Variants in ANKRD45 observed in about 807,000 individuals in gnomAD.
The protein encoded by ANKRD45 is ankyrin repeat domain 45.
A neutral mutation model predicts 28.1 loss-of-function variants in ANKRD45; 21 were observed. That is an observed-to-expected ratio of 0.75 (90% confidence interval 0.53 to 1.08). ANKRD45 has a LOEUF of 1.08. Ranked by LOEUF, ANKRD45 falls within the 50% of genes least tolerant of loss-of-function variation. The pLI, the probability that ANKRD45 is intolerant of heterozygous loss-of-function variation, is 0.00. For synonymous variants in ANKRD45, 86 were observed against 103.9 expected (o/e 0.83, Z 1.05); for missense variants, 261 against 308.7 (o/e 0.85, Z 1.16).
At chr1:173,611,576 TACACACACACACACACACACACACAC>T (rs57884253) in intron 5 of ANKRD45, among the ~76,000 whole-genome samples, 1 of 133,910 alleles carries the variant, frequency 7.5e-6, no homozygotes, top group Non-Finnish European at 1.7e-5. Context: ...AATACATACA[TACACACACACACACACACACACACAC>T]ACACACACAC....
intron 2 of ANKRD45, among the ~76,000 whole-genome samples, chr1:173,655,793 C>T (rs1023975341): frequency 1.3e-5 from 2 of 152,246 alleles, no homozygotes; most frequent in Non-Finnish European, 2.9e-5. Flanking sequence ...TGTTTACCTA[C>T]TCAAGCCTCA....
the ANKRD45 span, among the ~76,000 whole-genome samples, chr1:173,689,558 G>A: frequency 6.6e-6 from 1 of 152,060 alleles, no homozygotes; most frequent in Non-Finnish European, 1.5e-5. Context: ...TGACAAATTG[G>A]AGTTTCAACA....
At chr1:173,636,858 G>A (rs937758840) in intron 3 of ANKRD45, 6 of 1,535,496 alleles carry the variant, frequency 3.9e-6, no homozygotes, top group Admixed American at 2.0e-5. Flanking sequence ...GAAAAACCTG[G>A]TAATGATCTA....
chr1:173,698,651 C>G, the ANKRD45 span, among the ~76,000 whole-genome samples: 1 of 152,144 alleles, frequency 6.6e-6, no homozygotes, highest in South Asian at 2.1e-4. Context: ...ACCAGAATCT[C>G]CAGGACACAT....
At chr1:173,632,851 C>A (rs544827391) in intron 3 of ANKRD45, among the ~76,000 whole-genome samples, 1 of 152,154 alleles carries the variant, frequency 6.6e-6, no homozygotes, top group South Asian at 2.1e-4. Flanking sequence ...GAACATACAT[C>A]AACACAATCA....
chr1:173,631,041 T>C (rs1052490562), intron 3 of ANKRD45, among the ~76,000 whole-genome samples: 1 of 151,588 alleles, frequency 6.6e-6, no homozygotes, highest in African/African-American at 2.4e-5. Flanking sequence ...GTTGAAGAGA[T>C]AAAAATCAAA....
the ANKRD45 span, among the ~76,000 whole-genome samples, chr1:173,696,005 C>G: frequency 2.0e-5 from 3 of 152,158 alleles, no homozygotes; most frequent in Non-Finnish European, 4.4e-5. Flanking sequence ...TACTCTGCCC[C>G]CATTTGCCTT....
chr1:173,673,902 G>A (rs1193425383), upstream of ANKRD45, among the ~76,000 whole-genome samples: 1 of 152,166 alleles, frequency 6.6e-6, no homozygotes, highest in African/African-American at 2.4e-5. Flanking sequence ...ATTTCTCCAT[G>A]TAGCTAATCT....
At chr1:173,689,880 C>T in the ANKRD45 span, among the ~76,000 whole-genome samples, 1 of 152,048 alleles carries the variant, frequency 6.6e-6, no homozygotes, top group African/African-American at 2.4e-5. Flanking sequence ...AGCAGCCCTA[C>T]AAATCATACT....
At chr1:173,617,886 C>A (rs1488283242) in intron 5 of ANKRD45, among the ~76,000 whole-genome samples, 1 of 152,184 alleles carries the variant, frequency 6.6e-6, no homozygotes, top group East Asian at 1.9e-4. Context: ...AGGCTGGCAA[C>A]AGGTCAATAC....
Position 173,649,810 on chromosome 1 carries a change from G to C in ANKRD45, c.329-2797C>G, listed in dbSNP as rs115092612. Among the ~76,000 whole-genome samples, 762 of 152,154 alleles carry C rather than the reference G, an allele frequency of 5.0e-3. 12 individuals carry two copies. The highest frequency in any genetic ancestry group is 0.018 in the African/African-American group (732 of 41,504). On this transcript the variant is annotated intron_variant, in intron 2 of 5. Coordinates refer to ENST00000333279, the MANE Select transcript of ANKRD45 (RefSeq NM_198493.3). ...ACAATCATCTGTAATTGATTTTTAT[G>C]TATGGTACAAAGTAGGTATATAATT... is the stretch of plus-strand genomic sequence containing the variant.
chr1:173,670,430 T>C (rs1000671596), upstream of ANKRD45, among the ~76,000 whole-genome samples: 1 of 152,216 alleles, frequency 6.6e-6, no homozygotes, highest in Non-Finnish European at 1.5e-5. Context: ...AATGTTCACA[T>C]GAATCACACA....
At chr1:173,699,665 G>T in the ANKRD45 span, among the ~76,000 whole-genome samples, 6 of 152,156 alleles carry the variant, frequency 3.9e-5, no homozygotes, top group Non-Finnish European at 5.9e-5. Context: ...TTGATGGGAT[G>T]TATCTCAAAA....
rs1667055122 is a variant in ANKRD45 at position 173,609,507 on chromosome 1, T to C, written c.*638A>G. On this transcript the variant is annotated 3_prime_UTR_variant, in exon 6 of 6. Transcript: ENST00000333279. ...AACAGAATGGGAGGGGAAATGGTCT[T>C]CAGTCCAGTTACAATATCTGTATTG... The C allele has an allele frequency of 6.6e-6, 1 of 152,232 alleles. No homozygotes were observed. Among genetic ancestry groups the C allele is most frequent in the Admixed American group, 6.5e-5 (1 of 15,290 alleles). The allele number at this position is 152,232 out of a possible 1,614,324, so 9.4% of individuals were successfully genotyped here. A position where few individuals can be genotyped will look rare whatever the true frequency, so the allele number is the denominator to read the frequency against.
At position 173,651,477 on chromosome 1, in the gene ANKRD45, G is replaced by T. The variant is rs140215680; in HGVS notation, c.329-4464C>A. ...ATCTCTGTTTTGGTACCAGTACCAT[G>T]CTGTTTTGCTTACTGTAGCCTTGTA... On this transcript the variant is annotated intron_variant, in intron 2 of 5. Coordinates refer to ENST00000333279, the MANE Select transcript of ANKRD45 (RefSeq NM_198493.3). Among the ~76,000 whole-genome samples the T allele has an allele frequency of 6.6e-3, 1,009 of 152,316 alleles. 7 individuals are homozygous for T. The highest frequency in any genetic ancestry group is 0.011 in the Non-Finnish European group (752 of 68,032).
chr1:173,613,562 G>GCTCCCC lies in ANKRD45; in HGVS notation c.731-3348_731-3347insGGGGAG, dbSNP rs1411989020. ...CGTCCGGGAGGGAGGTGGGGGGTCAGCCCCCCCCCCGGCCAGCCGCCCCGT... is the reference window on the plus strand; with the variant it reads ...CGTCCGGGAGGGAGGTGGGGGGTCAGCTCCCCCCCCCCCCCCGGCCAGCCGCCCCGT... On this transcript the variant is annotated intron_variant, in intron 5 of 5. Transcript: ENST00000333279. Among the ~76,000 whole-genome samples the GCTCCCC allele has an allele frequency of 5.7e-5, 6 of 105,774 alleles. 1 individual carries two copies. Among genetic ancestry groups the GCTCCCC allele is most frequent in the African/African-American group, 4.2e-4 (5 of 11,846 alleles). 69.4% of individuals were successfully genotyped at this position (105,774 alleles called of 152,430 possible). A position where few individuals can be genotyped will look rare whatever the true frequency, so the allele number is the denominator to read the frequency against.
At chr1:173,687,176 A>G in the ANKRD45 span, among the ~76,000 whole-genome samples, 16 of 152,216 alleles carry the variant, frequency 1.1e-4, no homozygotes, top group Admixed American at 8.5e-4. Flanking sequence ...GCATCCTTAT[A>G]ATCCTTTTAC....
chr1:173,668,511 A>G (rs1670117891), intron 1 of ANKRD45, among the ~76,000 whole-genome samples: 1 of 152,232 alleles, frequency 6.6e-6, no homozygotes, highest in Admixed American at 6.5e-5. Flanking sequence ...AGGGAAGGCA[A>G]AGGGACCCTG....
upstream of ANKRD45, among the ~76,000 whole-genome samples, chr1:173,671,096 C>T (rs979408902): frequency 2.0e-5 from 3 of 152,184 alleles, no homozygotes; most frequent in African/African-American, 4.8e-5. Flanking sequence ...TATAAGGTTA[C>T]ATCTTGTCTC....
Sources: gnomAD v4.1 joint callset for allele counts (sites outside exome capture counted in the v4.1 genomes callset) on GRCh38, gnomAD v4.1.1 for gene constraint, MANE v1.5 for transcripts, NCBI Gene and HGNC (gene_info 2026-07-23, HGNC 2026-07-21) for gene names.